Variants in RIPOR1 observed in about 807,000 individuals in gnomAD.
RIPOR1 encodes the protein rho family-interacting cell polarization regulator 1.
Under a neutral mutation model 116.5 loss-of-function variants are expected in RIPOR1, and 58 were observed. The ratio of observed to expected loss-of-function variants is 0.50; its 90% CI spans 0.40 to 0.62. The LOEUF (loss-of-function observed/expected upper bound fraction) is 0.62, where lower values mean the gene tolerates loss of function less well. Among genes scored for constraint, RIPOR1 ranks in the 20% least tolerant of loss-of-function variants. The pLI, the probability that RIPOR1 is intolerant of heterozygous loss-of-function variation, is 0.00. For missense variants in RIPOR1, 1,372 were observed against 1,586.2 expected, an observed-to-expected ratio of 0.86 and a Z score of 2.29; for synonymous variants, 605 against 650.0, an observed-to-expected ratio of 0.93 and a Z score of 1.05.
chr16:67,529,901 G>A lies in RIPOR1; in HGVS notation c.-24+987G>A, dbSNP rs1286322301. ...AGGTCACACAGCTGGTTTGGGAGAAGCGAGGATTAGATCTGAGTCCTTGCC... is the reference window on the plus strand; with the variant it reads ...AGGTCACACAGCTGGTTTGGGAGAAACGAGGATTAGATCTGAGTCCTTGCC... On this transcript the variant is annotated intron_variant, in intron 1 of 21. Coordinates refer to ENST00000042381, the MANE Select transcript of RIPOR1 (RefSeq NM_024519.4). The surrounding 1 kb of genome is among the most constrained non-coding windows in gnomAD (Gnocchi z 4.1). 3.7e-6 allele frequency: 5 copies of A among 1,342,096 alleles called. No individual in the cohort carries two copies. In the South Asian group the frequency reaches 5.0e-5, roughly 13 times the overall value. 83.1% of individuals were successfully genotyped at this position (1,342,096 alleles called of 1,614,324 possible). A position where few individuals can be genotyped will look rare whatever the true frequency, so the allele number is the denominator to read the frequency against.
At chr16:67,534,139 A>AT (rs555946630) in intron 1 of RIPOR1, among the ~76,000 whole-genome samples, 57 of 139,832 alleles carry the variant, frequency 4.1e-4, no homozygotes, top group South Asian at 9.0e-4. Flanking sequence ...CTTTTTTGTA[A>AT]TTTTTTTTTT....
At chr16:67,526,419 T>G (rs1049695089), upstream of RIPOR1, among the ~76,000 whole-genome samples, 1 of 151,974 alleles carries the variant, frequency 6.6e-6, no homozygotes. Context: ...TACCACATAG[T>G]ATGGACTATC....
intron 1 of RIPOR1, among the ~76,000 whole-genome samples, chr16:67,520,178 G>A (rs976062876): frequency 1.3e-5 from 2 of 150,768 alleles, no homozygotes; most frequent in African/African-American, 4.9e-5. Flanking sequence ...AGGAGTTCAA[G>A]ACCAGCCTGG....
chr16:67,545,121 A>G lies in RIPOR1; in HGVS notation c.3031+4A>G. The G allele has an allele frequency of 6.2e-7, 1 of 1,611,200 alleles. No individual in the cohort carries two copies. The highest frequency in any genetic ancestry group is 8.5e-7 in the Non-Finnish European group (1 of 1,179,756). ...CAGCCAGGCTTGGCTGAGGCTGGTGAGTGGGCTGCTTCCTCCTTCCACCCT... is the reference window on the plus strand; with the variant it reads ...CAGCCAGGCTTGGCTGAGGCTGGTGGGTGGGCTGCTTCCTCCTTCCACCCT... On this transcript the variant is annotated splice_donor_region_variant and intron_variant, in intron 17 of 21. Coordinates refer to ENST00000042381, the MANE Select transcript of RIPOR1 (RefSeq NM_024519.4). This position sits in a 1 kb window ranked among gnomAD's most constrained non-coding sequence, Gnocchi z 4.8.
In RIPOR1 at chr16:67,531,583, G is replaced by A. The variant is rs779768982; in HGVS notation, c.-24+2669G>A. On this transcript the variant is annotated intron_variant, in intron 1 of 21. Transcript: ENST00000042381. The surrounding 1 kb of genome is among the most constrained non-coding windows in gnomAD (Gnocchi z 4.2). ...CTTGGGGCTGAGTAGTGGGAAGAAG[G>A]AATAGGAGCGATGGGGGCTGCCGGT... 1 of 454,566 alleles carries A rather than the reference G, an allele frequency of 2.2e-6. No individual in the cohort carries two copies. The highest frequency in any genetic ancestry group is 7.0e-5 in the East Asian group (1 of 14,248). 28.2% of individuals were successfully genotyped at this position (454,566 alleles called of 1,614,324 possible).
chr16:67,529,494 T>C lies in RIPOR1; in HGVS notation c.-24+580T>C. The C allele has an allele frequency of 2.6e-6, 1 of 384,116 alleles. No homozygotes were observed. The highest frequency in any genetic ancestry group is 4.7e-6 in the Non-Finnish European group (1 of 212,226). The allele number at this position is 384,116 out of a possible 1,614,324, so 23.8% of individuals were successfully genotyped here. ...TCGTCCTTGTCGGGGAACGGAGCTT[T>C]TCCCTGGAAATGGAGGTTGGCGCAA... On this transcript the variant is annotated intron_variant, in intron 1 of 21. Coordinates refer to ENST00000042381, the MANE Select transcript of RIPOR1 (RefSeq NM_024519.4). This position sits in a 1 kb window ranked among gnomAD's most constrained non-coding sequence, Gnocchi z 4.1.
intron 1 of RIPOR1, among the ~76,000 whole-genome samples, chr16:67,523,048 T>C (rs2142391836): frequency 1.3e-5 from 2 of 152,332 alleles, no homozygotes; most frequent in Middle Eastern, 6.8e-3. Context: ...TCATTTATTG[T>C]CAGTCTCCTT....
intron 4 of RIPOR1, 109 bp from the exon 5 acceptor site, chr16:67,539,619 T>C: frequency 7.7e-7 from 1 of 1,303,324 alleles, no homozygotes; most frequent in Non-Finnish European, 1.1e-6. Flanking sequence ...GTGACAGGAG[T>C]GCTTGTGGAC....
At position 67,540,408 on chromosome 16, in the gene RIPOR1, G is replaced by A. The variant is rs1210130511; in HGVS notation, c.631+45G>A. 1.2e-6 allele frequency: 2 copies of A among 1,614,050 alleles called. No individual in the cohort carries two copies. The highest frequency in any genetic ancestry group is 2.7e-5 in the African/African-American group (2 of 74,914). On this transcript the variant is annotated intron_variant, in intron 8 of 21. Transcript: ENST00000042381. This position sits in a 1 kb window ranked among gnomAD's most constrained non-coding sequence, Gnocchi z 4.7. ...GGTGGGGGGCTGGAGGGAGTATGCT[G>A]AAGAACCCCAATATGGCTCACCGAC...
rs1485934521 is a variant in RIPOR1, at chr16:67,531,324, C to A, written c.-24+2410C>A. ...GGCAGCCCAGCTTCCCCCACTGTTC[C>A]CCCCCTTCATCTCCCAGGTGCTACA... On this transcript the variant is annotated intron_variant, in intron 1 of 21. Coordinates refer to ENST00000042381, the MANE Select transcript of RIPOR1 (RefSeq NM_024519.4). This position sits in a 1 kb window ranked among gnomAD's most constrained non-coding sequence, Gnocchi z 4.2. 1.3e-5 allele frequency among the ~76,000 whole-genome samples: 2 copies of A among 151,650 alleles called. No individual in the cohort carries two copies. The highest frequency in any genetic ancestry group is 4.8e-5 in the African/African-American group (2 of 41,258).
intron 1 of RIPOR1, among the ~76,000 whole-genome samples, chr16:67,536,921 C>T (rs1458145220): frequency 6.6e-6 from 1 of 152,164 alleles, no homozygotes; most frequent in Non-Finnish European, 1.5e-5. Flanking sequence ...TGTGTTCAGC[C>T]TTAGCACTGC....
chr16:67,523,666 G>GA (rs1410787222), intron 1 of RIPOR1, among the ~76,000 whole-genome samples: 1 of 149,644 alleles, frequency 6.7e-6, no homozygotes, highest in Non-Finnish European at 1.5e-5. Context: ...GATAAATTCT[G>GA]AAAAAACTAC....
Position 67,541,441 on chromosome 16 carries a change from G to A in RIPOR1, c.813G>A (p.Leu271=), listed in dbSNP as rs199708984. 3.6e-5 allele frequency: 58 copies of A among 1,613,880 alleles called. No individual in the cohort carries two copies. The East Asian group carries it at 1.3e-3, about 36-fold the overall frequency. ...ACTCTTGGCTACAGGTGACAGAACT[G>A]AAGGGCCTGGCCAACCATGTGGTTG... The part of the protein sequence containing the change: ...TEFLSIKVTE[L]KGLANHVVVG... Residue 271 remains leucine (L), a synonymous_variant, in exon 11 of 22, where the codon CTG becomes CTA. Coordinates refer to ENST00000042381, the MANE Select transcript of RIPOR1 (RefSeq NM_024519.4). The surrounding 1 kb of genome is among the most constrained non-coding windows in gnomAD (Gnocchi z 4.6).
In RIPOR1 at chr16:67,541,650, C is replaced by T; in HGVS notation, c.951-3C>T. On this transcript the variant is annotated splice_region_variant and splice_polypyrimidine_tract_variant and intron_variant, in intron 11 of 21. Transcript: ENST00000042381. The surrounding 1 kb of genome is among the most constrained non-coding windows in gnomAD (Gnocchi z 4.6). ...ACCTGCCAACAGCCTCTTCCCTTCCCAGCCCCTTCGACAAGGATGACCAGC... is the reference window on the plus strand; with the variant it reads ...ACCTGCCAACAGCCTCTTCCCTTCCTAGCCCCTTCGACAAGGATGACCAGC... The T allele has an allele frequency of 6.2e-7, 1 of 1,614,102 alleles. No homozygotes were observed. Among genetic ancestry groups the T allele is most frequent in the African/African-American group, 1.3e-5 (1 of 75,020 alleles).
chr16:67,532,013 T>C (rs564551157), intron 1 of RIPOR1, among the ~76,000 whole-genome samples: 1 of 152,094 alleles, frequency 6.6e-6, no homozygotes, highest in East Asian at 1.9e-4. Flanking sequence ...CACCTCAGCC[T>C]ACTGAGTAGC....
Position 67,541,491 on chromosome 16 carries a change from A to G in RIPOR1, c.863A>G (p.Lys288Arg), listed in dbSNP as rs746762505. The change falls in exon 11 of 22, where the codon AAG (lysine) becomes AGG (arginine). Residue 288 changes from lysine to arginine, a missense_variant. Lys to Arg is a conservative substitution (Grantham distance 26, BLOSUM62 2). Coordinates refer to ENST00000042381, the MANE Select transcript of RIPOR1 (RefSeq NM_024519.4). This position sits in a 1 kb window ranked among gnomAD's most constrained non-coding sequence, Gnocchi z 4.6. ...VVVGSVSCETKDLFAALPQVV... is the reference protein window; with the variant it reads ...VVVGSVSCETRDLFAALPQVV... ...GTGGGCAGTGTCTCCTGTGAGACCA[A>G]GGACCTGTTTGCCGCCCTGCCCCAG... 1.9e-6 allele frequency: 3 copies of G among 1,614,008 alleles called. No individual in the cohort carries two copies. In the African/African-American group the frequency reaches 4.0e-5, roughly 22 times the overall value.
Position 67,543,051 on chromosome 16 carries a change from T to C in RIPOR1, c.2265T>C (p.Thr755=), listed in dbSNP as rs2142578430. The change falls in exon 13 of 22, where the codon ACT becomes ACC. Residue 755 remains threonine, a synonymous_variant. Coordinates refer to ENST00000042381, the MANE Select transcript of RIPOR1 (RefSeq NM_024519.4). This position sits in a 1 kb window ranked among gnomAD's most constrained non-coding sequence, Gnocchi z 4.7. ...SESTVQSLSP[T]PSPPTPAPQH... The stretch of plus-strand genomic sequence containing the variant: ...CTACGGTTCAGAGTCTAAGCCCCAC[T>C]CCCTCACCCCCAACCCCTGCACCCC... 6.6e-7 allele frequency: 1 copy of C among 1,526,280 alleles called. No homozygotes were observed. The highest frequency in any genetic ancestry group is 2.2e-5 in the Admixed American group (1 of 45,482). 94.5% of individuals were successfully genotyped at this position (1,526,280 alleles called of 1,614,324 possible). A position where few individuals can be genotyped will look rare whatever the true frequency, so the allele number is the denominator to read the frequency against.
At position 67,542,435 on chromosome 16, in the gene RIPOR1, G is replaced by C. The variant is rs199791858; in HGVS notation, c.1649G>C (p.Gly550Ala). ...CCAGGCCCCACTCACACCACTACAG[G>C]CTCTACCTATAGTGCCATTACCACT... Reference protein sequence around the residue: ...ELPGPTHTTTGSTYSAITTTH... With the variant: ...ELPGPTHTTTASTYSAITTTH... The change falls in exon 13 of 22, where the codon GGC becomes GCC. Residue 550 changes from glycine to alanine, a missense_variant. Gly to Ala is a moderately conservative substitution (Grantham distance 60). Around this residue, in one of 3 missense-constraint regions of RIPOR1, gnomAD observed 1,005 missense variants for 1,144.7 expected, o/e 0.88. Coordinates refer to ENST00000042381, the MANE Select transcript of RIPOR1 (RefSeq NM_024519.4). This position sits in a 1 kb window ranked among gnomAD's most constrained non-coding sequence, Gnocchi z 4.6. 80 of 1,613,674 alleles carry C rather than the reference G, an allele frequency of 5.0e-5. 1 individual carries two copies. The Middle Eastern group carries it at 6.6e-4, about 13-fold the overall frequency.
rs561642006 is a variant in RIPOR1, at chr16:67,539,904, G to A, written c.414+5G>A. 80 of 1,614,060 alleles carry A rather than the reference G, an allele frequency of 5.0e-5. No homozygotes were observed. Among genetic ancestry groups the A allele is most frequent in the Non-Finnish European group, 6.7e-5 (79 of 1,180,022 alleles). ...CTGGAGTTCCATGCCAGCAAGGTAC[G>A]AGTGCAGCATGTGTGCAGAGTGGGG... is the stretch of plus-strand genomic sequence containing the variant. On this transcript the variant is annotated splice_donor_5th_base_variant and intron_variant, in intron 6 of 21. Transcript: ENST00000042381.
Sources: gnomAD v4.1 joint callset for allele counts (sites outside exome capture counted in the v4.1 genomes callset) on GRCh38, gnomAD v4.1.1 for gene constraint, gnomAD v4.1.1 regional missense constraint, Gnocchi (gnomAD v3.1) non-coding constraint, MANE v1.5 for transcripts, NCBI Gene and HGNC (gene_info 2026-07-23, HGNC 2026-07-21) for gene names.